USP10: variants seen among roughly 807,000 people sequenced by gnomAD.
USP10 encodes ubiquitin specific peptidase 10, also known as ubiquitin carboxyl-terminal hydrolase 10.
In USP10, 22 loss-of-function variants were observed where a neutral mutation model predicts 84.5. The ratio of observed to expected loss-of-function variants is 0.26; its 90% CI spans 0.19 to 0.37. USP10 has a LOEUF of 0.37. Ranked by LOEUF, USP10 falls within the 10% of genes least tolerant of loss-of-function variation. USP10 has a pLI of 1.00. For missense variants in USP10, 1,019 were observed against 998.9 expected (o/e 1.02, Z -0.27); for synonymous variants, 454 against 387.6 (o/e 1.17, Z -2.01).
chr16:84,701,753 G>A (rs59034711), intron 1 of USP10, among the ~76,000 whole-genome samples: 1,651 of 152,160 alleles, frequency 0.011, 29 homozygotes, highest in African/African-American at 0.038. Flanking sequence ...CAGTATTTAC[G>A]TTTTATACAA....
At chr16:84,764,620 T>C (rs1482616820) in intron 10 of USP10, among the ~76,000 whole-genome samples, 5 of 151,982 alleles carry the variant, frequency 3.3e-5, no homozygotes, top group Admixed American at 1.3e-4. Flanking sequence ...CACCTGAGGT[T>C]AGAAGTTCGA....
chr16:84,714,205 GTGGCGGGAGGTGGGTGGC>G (rs1906694283), intron 1 of USP10, among the ~76,000 whole-genome samples: 1 of 152,206 alleles, frequency 6.6e-6, no homozygotes, highest in Admixed American at 6.5e-5. Flanking sequence ...AGGCCTTAGG[GTGGCGGGAGGTGGGTGGC>G]TGGCGGGAGC....
At chr16:84,719,215 A>G (rs1907465492) in intron 1 of USP10, among the ~76,000 whole-genome samples, 1 of 152,200 alleles carries the variant, frequency 6.6e-6, no homozygotes. Context: ...TCAACTTTAT[A>G]TAGTGAGTAA....
rs181027137 is a variant in USP10 at position 84,707,182 on chromosome 16, T to C, written c.21+7071T>C. On this transcript the variant is annotated intron_variant, in intron 1 of 13. Coordinates refer to ENST00000219473, the MANE Select transcript of USP10 (RefSeq NM_005153.3). ...TTTTTCTACTTTGCCAGACTGGTTT[T>C]CTGGAAGAGACTGATGAAGGCATAA... Among the ~76,000 whole-genome samples the C allele has an allele frequency of 1.8e-4, 27 of 152,332 alleles. No individual in the cohort carries two copies. The East Asian group carries it at 5.2e-3, about 29-fold the overall frequency.
At chr16:84,764,667 C>T (rs1913618652) in intron 10 of USP10, among the ~76,000 whole-genome samples, 1 of 152,056 alleles carries the variant, frequency 6.6e-6, no homozygotes, top group Admixed American at 6.6e-5. Flanking sequence ...CCCGTCTCTA[C>T]TAAAAATACA....
At chr16:84,707,287 CT>C (rs1421621923) in intron 1 of USP10, among the ~76,000 whole-genome samples, 1 of 152,212 alleles carries the variant, frequency 6.6e-6, no homozygotes, top group Non-Finnish European at 1.5e-5. Flanking sequence ...CATTTAGAAA[CT>C]TTAATGTTAC....
chr16:84,734,949 G>A (rs1909706126), intron 2 of USP10, among the ~76,000 whole-genome samples: 1 of 152,296 alleles, frequency 6.6e-6, no homozygotes, highest in Non-Finnish European at 1.5e-5. Flanking sequence ...CCCTGGTTCC[G>A]AGTGTGCTAT....
chr16:84,759,801 A>G (rs1299972347), intron 6 of USP10, 90 bp from the exon 7 acceptor site: 10 of 1,296,896 alleles, frequency 7.7e-6, no homozygotes, highest in East Asian at 2.3e-5. Flanking sequence ...ATACTCGTAT[A>G]GCTGATATTC....
intron 8 of USP10, 90 bp downstream of exon 8, chr16:84,760,365 C>G (rs1038711809): frequency 6.2e-6 from 7 of 1,129,380 alleles, no homozygotes; most frequent in Non-Finnish European, 9.0e-6. Context: ...TATTTGCCCT[C>G]TGTCTCCAGC....
At chr16:84,778,869 C>T (rs774653195) in intron 13 of USP10, 26 bp from the exon 14 acceptor site, 1 of 1,603,746 alleles carries the variant, frequency 6.2e-7, no homozygotes, top group Non-Finnish European at 8.5e-7. Flanking sequence ...TGTTCTCACT[C>T]TGCTGCCTGC....
At chr16:84,724,801 T>C (rs975165906) in intron 1 of USP10, among the ~76,000 whole-genome samples, 3 of 152,168 alleles carry the variant, frequency 2.0e-5, no homozygotes, top group Admixed American at 6.5e-5. Context: ...GCTCAGTGCA[T>C]ATTGTTAAAT....
intron 1 of USP10, chr16:84,732,535 C>T (rs971112793): frequency 2.4e-5 from 9 of 373,360 alleles, no homozygotes; most frequent in Admixed American, 6.9e-5. Flanking sequence ...CAACCTCGGC[C>T]TCCCTGGTTC....
chr16:84,701,954 T>TG (rs1904923863), intron 1 of USP10, among the ~76,000 whole-genome samples: 1 of 143,256 alleles, frequency 7.0e-6, no homozygotes, highest in South Asian at 2.2e-4. Context: ...TTTTTTTTTT[T>TG]GAGTTGGAAT....
chr16:84,711,487 A>G (rs962017536), intron 1 of USP10, among the ~76,000 whole-genome samples: 4 of 152,124 alleles, frequency 2.6e-5, no homozygotes, highest in East Asian at 1.9e-4. Flanking sequence ...AAGCCAATTT[A>G]CCATCGGGAA....
At chr16:84,776,752 C>T (rs1915063544) in intron 13 of USP10, among the ~76,000 whole-genome samples, 1 of 152,218 alleles carries the variant, frequency 6.6e-6, no homozygotes, top group African/African-American at 2.4e-5. Context: ...ACTCTGCAAC[C>T]TGCCTCGCCC....
At chr16:84,718,460 A>G (rs536956472) in intron 1 of USP10, among the ~76,000 whole-genome samples, 1 of 152,176 alleles carries the variant, frequency 6.6e-6, no homozygotes, top group Non-Finnish European at 1.5e-5. Flanking sequence ...ATTTAGTTGC[A>G]TTATAGTTTT....
intron 1 of USP10, among the ~76,000 whole-genome samples, chr16:84,707,024 C>G (rs1275756985): frequency 6.6e-6 from 1 of 152,204 alleles, no homozygotes; most frequent in African/African-American, 2.4e-5. Flanking sequence ...TTTACAGCAA[C>G]TCTGTCCTGT....
At chr16:84,720,693 T>C (rs1295083905) in intron 1 of USP10, among the ~76,000 whole-genome samples, 2 of 147,702 alleles carry the variant, frequency 1.4e-5, no homozygotes, top group African/African-American at 5.0e-5. Flanking sequence ...GCCATTCTCC[T>C]GCCTCAGCCT....
intron 1 of USP10, among the ~76,000 whole-genome samples, chr16:84,711,719 CTTTTTTTT>C (rs10706586): frequency 2.3e-4 from 26 of 114,270 alleles, no homozygotes; most frequent in South Asian, 9.2e-4. Context: ...GAAGGGCTAG[CTTTTTTTT>C]TTTTTTTTTT....
Sources: allele counts gnomAD v4.1 joint callset (sites outside exome capture counted in the v4.1 genomes callset), GRCh38; gene constraint gnomAD v4.1.1; transcripts MANE v1.5; gene names NCBI Gene and HGNC (gene_info 2026-07-23, HGNC 2026-07-21).